Variants in MSRB3 observed in about 807,000 individuals in gnomAD.
MSRB3 encodes methionine sulfoxide reductase B3.
In MSRB3, 13 loss-of-function variants were observed where a neutral mutation model predicts 21.0. The ratio of observed to expected loss-of-function variants is 0.62; its 90% confidence interval spans 0.40 to 0.98. The LOEUF is 0.98. MSRB3 is among the 50% of genes least tolerant of loss of function. The pLI, the probability that MSRB3 is intolerant of heterozygous loss-of-function variation, is 0.00. For missense variants in MSRB3, 199 were observed against 230.3 expected, an observed-to-expected ratio of 0.86 and a Z score of 0.88; for synonymous variants, 87 against 88.6, an observed-to-expected ratio of 0.98 and a Z score of 0.10.
At chr12:65,456,854 G>A (rs1307324275) in intron 6 of MSRB3, among the ~76,000 whole-genome samples, 3 of 152,218 alleles carry the variant, frequency 2.0e-5, no homozygotes, top group South Asian at 4.1e-4. Flanking sequence ...CTTGTGGATG[G>A]AGGAGGGGGT....
chr12:65,460,382 C>T (rs1361964157), intron 6 of MSRB3, among the ~76,000 whole-genome samples: 5 of 151,684 alleles, frequency 3.3e-5, no homozygotes, highest in African/African-American at 7.3e-5. Context: ...TCAAAGAAAC[C>T]GGGTAACAGT....
At chr12:65,361,501 T>C (rs1273772742) in intron 4 of MSRB3, among the ~76,000 whole-genome samples, 1 of 152,162 alleles carries the variant, frequency 6.6e-6, no homozygotes, top group Non-Finnish European at 1.5e-5. Context: ...GGTCAATTTG[T>C]GGAAAAATGA....
In MSRB3 at chr12:65,454,254, G is replaced by A. The variant is rs1882990645; in HGVS notation, c.390+429G>A. On this transcript the variant is annotated intron_variant, in intron 6 of 6. Transcript: ENST00000308259. ...AGTGAGCTGTGATCATGCCACTGTA[G>A]TCTAGCCTGGGAGACAGAGCAAGAC... 1.0e-5 allele frequency: 3 copies of A among 288,024 alleles called. No individual in the cohort carries two copies. The South Asian group carries it at 1.6e-4, about 15-fold the overall frequency. 17.8% of individuals were successfully genotyped at this position (288,024 alleles called of 1,614,324 possible).
intron 4 of MSRB3, among the ~76,000 whole-genome samples, chr12:65,352,225 T>C (rs992149005): frequency 7.9e-5 from 12 of 152,120 alleles, no homozygotes; most frequent in African/African-American, 2.4e-4. Context: ...CATAATTATC[T>C]CAATAGATGC....
chr12:65,435,674 A>G (rs1012145529), intron 5 of MSRB3, among the ~76,000 whole-genome samples: 2 of 151,914 alleles, frequency 1.3e-5, no homozygotes, highest in Non-Finnish European at 2.9e-5. Context: ...TTTTGATAAC[A>G]TTTTGTGGAG....
rs185931719 is a variant in MSRB3 at position 65,306,877 on chromosome 12, C to T, written c.-51-1652C>T. On this transcript the variant is annotated intron_variant, in intron 1 of 6. Transcript: ENST00000308259. The stretch of plus-strand genomic sequence containing the variant: ...CTGACCTGCAGAGTGACATCACTGC[C>T]TCTCTTCCTGTGCGCTGGCTTTGAC... 1.5e-5 allele frequency: 15 copies of T among 985,860 alleles called. No homozygotes were observed. In the African/African-American group the frequency reaches 2.6e-4, roughly 17 times the overall value. The allele number at this position is 985,860 out of a possible 1,614,324, so 61.1% of individuals were successfully genotyped here.
At chr12:65,321,669 G>T (rs1342942719) in intron 2 of MSRB3, among the ~76,000 whole-genome samples, 1 of 152,072 alleles carries the variant, frequency 6.6e-6, no homozygotes, top group South Asian at 2.1e-4. Context: ...AAAAATGATA[G>T]TTATGGTATA....
intron 5 of MSRB3, among the ~76,000 whole-genome samples, chr12:65,387,608 C>A (rs1202520814): frequency 6.6e-6 from 1 of 152,064 alleles, no homozygotes; most frequent in Non-Finnish European, 1.5e-5. Context: ...TCATTTGAAT[C>A]CTGGCTCTGT....
At chr12:65,406,398 G>A (rs537054542) in intron 5 of MSRB3, among the ~76,000 whole-genome samples, 3 of 152,248 alleles carry the variant, frequency 2.0e-5, no homozygotes, top group South Asian at 4.1e-4. Flanking sequence ...GAAGTGAAAG[G>A]TCTGTGCACT....
chr12:65,369,150 G>C, intron 5 of MSRB3, 124 bp downstream of exon 5: 1 of 716,192 alleles, frequency 1.4e-6, no homozygotes, highest in South Asian at 1.7e-5. Flanking sequence ...TCCAAAATGT[G>C]AGTCCCACCT....
chr12:65,344,490 A>C (rs1421998949), intron 4 of MSRB3, among the ~76,000 whole-genome samples: 1 of 152,036 alleles, frequency 6.6e-6, no homozygotes, highest in Non-Finnish European at 1.5e-5. Flanking sequence ...CATCCAGAGC[A>C]CTGTGTGGTT....
chr12:65,416,159 CA>C (rs2136633793), intron 5 of MSRB3, among the ~76,000 whole-genome samples: 1 of 152,326 alleles, frequency 6.6e-6, no homozygotes, highest in South Asian at 2.1e-4. Flanking sequence ...TAAAGGAAGC[CA>C]ATCCTTTGGT....
chr12:65,320,021 A>G (rs886254593), intron 2 of MSRB3, among the ~76,000 whole-genome samples: 1 of 152,188 alleles, frequency 6.6e-6, no homozygotes, highest in African/African-American at 2.4e-5. Flanking sequence ...GTCTTGTTTA[A>G]TTCAAGAAGT....
intron 5 of MSRB3, among the ~76,000 whole-genome samples, chr12:65,407,396 T>C (rs1286188508): frequency 2.0e-5 from 3 of 152,078 alleles, no homozygotes; most frequent in Non-Finnish European, 2.9e-5. Flanking sequence ...CATTGTATGG[T>C]TTTTGAGGAG....
intron 5 of MSRB3, among the ~76,000 whole-genome samples, chr12:65,445,649 ATTT>A (rs11388948): frequency 7.1e-6 from 1 of 140,678 alleles, no homozygotes; most frequent in African/African-American, 2.7e-5. Flanking sequence ...CATATATATA[ATTT>A]TTTTTTTTTT....
chr12:65,296,467 T>C (rs970857810), intron 1 of MSRB3, among the ~76,000 whole-genome samples: 2 of 152,256 alleles, frequency 1.3e-5, no homozygotes, highest in Admixed American at 1.3e-4. Context: ...AAGTACATGT[T>C]ATGATCTACA....
intron 4 of MSRB3, among the ~76,000 whole-genome samples, chr12:65,331,473 C>G (rs758982882): frequency 6.6e-6 from 1 of 152,186 alleles, no homozygotes; most frequent in African/African-American, 2.4e-5. Context: ...TGCCACTAAA[C>G]AGCAGAGAAG....
At chr12:65,352,105 C>T (rs1440901002) in intron 4 of MSRB3, among the ~76,000 whole-genome samples, 2 of 152,046 alleles carry the variant, frequency 1.3e-5, no homozygotes, top group African/African-American at 4.8e-5. Context: ...CATCAAAAAG[C>T]TTATCCACCA....
intron 4 of MSRB3, among the ~76,000 whole-genome samples, chr12:65,344,583 A>G (rs1157658938): frequency 9.2e-5 from 14 of 151,930 alleles, no homozygotes. Flanking sequence ...GTCTTTTTCT[A>G]GATTTTCACC....
Sources: gnomAD v4.1 joint callset for allele counts (sites outside exome capture counted in the v4.1 genomes callset) on GRCh38, gnomAD v4.1.1 for gene constraint, MANE v1.5 for transcripts, NCBI Gene and HGNC (gene_info 2026-07-23, HGNC 2026-07-21) for gene names.